Variants in CADM2 observed in about 807,000 individuals in gnomAD.
The protein encoded by CADM2 is immunoglobulin superfamily member 4D.
Under a neutral mutation model 49.8 loss-of-function variants are expected in CADM2, and 12 were observed. The ratio of observed to expected loss-of-function variants is 0.24; its 90% CI spans 0.15 to 0.39. The LOEUF (loss-of-function observed/expected upper bound fraction) is 0.39. Ranked by LOEUF, CADM2 falls within the 10% of genes least tolerant of loss-of-function variation. CADM2 has a pLI of 1.00. For synonymous variants in CADM2, 214 were observed against 175.4 expected (o/e 1.22, Z -1.74); for missense variants, 378 against 492.3 (o/e 0.77, Z 2.20).
chr3:85,288,675 G>GAT (rs1047669021), intron 1 of CADM2, among the ~76,000 whole-genome samples: 1 of 151,588 alleles, frequency 6.6e-6, no homozygotes, highest in African/African-American at 2.4e-5. Flanking sequence ...AAAATTCAGT[G>GAT]ATAAGATTCA....
chr3:85,378,025 G>T (rs2107344227), intron 1 of CADM2, among the ~76,000 whole-genome samples: 1 of 151,922 alleles, frequency 6.6e-6, no homozygotes, highest in South Asian at 2.1e-4. Context: ...AATTTTTCAG[G>T]AATCATTTTT....
chr3:85,995,524 A>G (rs1729272832), intron 8 of CADM2, among the ~76,000 whole-genome samples: 1 of 152,184 alleles, frequency 6.6e-6, no homozygotes. Context: ...AGAATGAAAG[A>G]AGCAGCCTTC....
At chr3:85,456,693 C>A (rs1246962547) in intron 1 of CADM2, among the ~76,000 whole-genome samples, 1 of 151,560 alleles carries the variant, frequency 6.6e-6, no homozygotes, top group Admixed American at 6.6e-5. Context: ...CAGATGACAC[C>A]CTCTATGAAG....
chr3:85,079,019 T>G (rs1310929302), intron 1 of CADM2, among the ~76,000 whole-genome samples: 1 of 151,866 alleles, frequency 6.6e-6, no homozygotes, highest in Non-Finnish European at 1.5e-5. Context: ...ATTTAGTGGT[T>G]ATATTGTTTT....
At chr3:85,101,184 G>T (rs1371386139) in intron 1 of CADM2, among the ~76,000 whole-genome samples, 1 of 152,122 alleles carries the variant, frequency 6.6e-6, no homozygotes, top group Non-Finnish European at 1.5e-5. Flanking sequence ...AACAAAGGAG[G>T]TGGAGGTTGC....
chr3:85,127,452 C>A (rs2107603245), intron 1 of CADM2, among the ~76,000 whole-genome samples: 1 of 152,308 alleles, frequency 6.6e-6, no homozygotes, highest in South Asian at 2.1e-4. Flanking sequence ...CAAATTTCAA[C>A]CTCATTTGAA....
chr3:85,685,412 A>C (rs1559591818), intron 1 of CADM2, among the ~76,000 whole-genome samples: 3 of 152,138 alleles, frequency 2.0e-5, no homozygotes, highest in Admixed American at 6.5e-5. Flanking sequence ...TACAAACTAA[A>C]GATGTATTTT....
chr3:85,619,022 A>G (rs1407717471), intron 1 of CADM2, among the ~76,000 whole-genome samples: 2 of 148,972 alleles, frequency 1.3e-5, no homozygotes, highest in African/African-American at 2.4e-5. Context: ...CCTGGGTGAC[A>G]GAATGAGACT....
intron 1 of CADM2, among the ~76,000 whole-genome samples, chr3:85,365,897 C>T (rs574683625): frequency 1.4e-3 from 206 of 152,254 alleles, no homozygotes; most frequent in Non-Finnish European, 9.7e-4. Context: ...GTTCACACCA[C>T]GCAATCATGG....
At chr3:85,783,660 T>C (rs577587130) in intron 2 of CADM2, among the ~76,000 whole-genome samples, 1 of 152,330 alleles carries the variant, frequency 6.6e-6, no homozygotes, top group South Asian at 2.1e-4. Context: ...ACATAAGCAT[T>C]ATATATTTTT....
intron 8 of CADM2, among the ~76,000 whole-genome samples, chr3:86,034,247 G>C (rs182693858): frequency 1.3e-5 from 2 of 151,926 alleles, no homozygotes; most frequent in Admixed American, 1.3e-4. Flanking sequence ...TATGGACTGA[G>C]AATGTGATAT....
chr3:85,861,426 G>T (rs887070756), intron 3 of CADM2, among the ~76,000 whole-genome samples: 2 of 152,096 alleles, frequency 1.3e-5, no homozygotes, highest in African/African-American at 2.4e-5. Flanking sequence ...AAAGGATGAA[G>T]TTGACATAAA....
At chr3:85,068,688 T>C (rs1159576316) in intron 1 of CADM2, among the ~76,000 whole-genome samples, 1 of 152,158 alleles carries the variant, frequency 6.6e-6, no homozygotes, top group Non-Finnish European at 1.5e-5. Context: ...ATCACGAATA[T>C]ATAAAATGCT....
chr3:86,043,932 A>G (rs1213305385), intron 8 of CADM2, among the ~76,000 whole-genome samples: 5 of 152,326 alleles, frequency 3.3e-5, no homozygotes, highest in Non-Finnish European at 5.9e-5. Context: ...CTGATCTTTG[A>G]CAAACCTGAC....
chr3:85,853,893 A>G (rs2075203405), intron 3 of CADM2, among the ~76,000 whole-genome samples: 1 of 152,138 alleles, frequency 6.6e-6, no homozygotes, highest in South Asian at 2.1e-4. Context: ...CTTTTTCATG[A>G]GCTAACCTAC....
At chr3:85,368,354 A>T (rs1252529162) in intron 1 of CADM2, among the ~76,000 whole-genome samples, 3 of 152,052 alleles carry the variant, frequency 2.0e-5, no homozygotes, top group Non-Finnish European at 4.4e-5. Flanking sequence ...TTATACACGT[A>T]AATGATTAGA....
At chr3:85,480,372 A>T (rs1322885556) in intron 1 of CADM2, among the ~76,000 whole-genome samples, 2 of 151,888 alleles carry the variant, frequency 1.3e-5, no homozygotes, top group Non-Finnish European at 2.9e-5. Context: ...AAAAGCAAGG[A>T]TTATGTAGGT....
At chr3:85,175,373 G>T (rs1450160715) in intron 1 of CADM2, among the ~76,000 whole-genome samples, 1 of 152,110 alleles carries the variant, frequency 6.6e-6, no homozygotes, top group African/African-American at 2.4e-5. Flanking sequence ...TTCATCATTG[G>T]ATGAATGGAT....
chr3:85,267,363 T>A (rs970614274), intron 1 of CADM2, among the ~76,000 whole-genome samples: 3 of 151,392 alleles, frequency 2.0e-5, no homozygotes, highest in South Asian at 4.1e-4. Context: ...CTTGCTCATT[T>A]AAAAAAAATA....
Sources: allele counts gnomAD v4.1 joint callset (sites outside exome capture counted in the v4.1 genomes callset), GRCh38; gene constraint gnomAD v4.1.1; transcripts MANE v1.5; gene names NCBI Gene and HGNC (gene_info 2026-07-23, HGNC 2026-07-21).